CPA6: variants seen among roughly 807,000 people sequenced by gnomAD.
The protein encoded by CPA6 is carboxypeptidase A6.
CPA6 carries 58 observed loss-of-function variants against 63.3 expected under a neutral mutation model. The ratio of observed to expected loss-of-function variants is 0.92; its 90% confidence interval spans 0.74 to 1.14. CPA6 has a LOEUF of 1.14. CPA6 is among the 50% of genes most tolerant of loss of function. CPA6 has a pLI of 0.00. For synonymous variants in CPA6, 185 were observed against 179.0 expected (o/e 1.03, Z -0.27); for missense variants, 565 against 526.6 (o/e 1.07, Z -0.71).
At chr8:67,423,454 C>T (rs1049535774) in intron 10 of CPA6, among the ~76,000 whole-genome samples, 3 of 152,236 alleles carry the variant, frequency 2.0e-5, no homozygotes, top group African/African-American at 7.2e-5. Context: ...TGTGCCTTTA[C>T]TTAGATTGGT....
intron 6 of CPA6, among the ~76,000 whole-genome samples, chr8:67,489,816 T>A (rs1811566491): frequency 6.6e-6 from 1 of 152,230 alleles, no homozygotes. Flanking sequence ...TGGTTTCTCT[T>A]ACATGCTGTC....
At chr8:67,657,732 T>G (rs949543871) in intron 1 of CPA6, among the ~76,000 whole-genome samples, 1 of 152,180 alleles carries the variant, frequency 6.6e-6, no homozygotes, top group African/African-American at 2.4e-5. Context: ...TCCAATACCT[T>G]GTCTTCTCTT....
At chr8:67,550,181 C>G (rs906470162) in intron 2 of CPA6, among the ~76,000 whole-genome samples, 13 of 152,178 alleles carry the variant, frequency 8.5e-5, no homozygotes, top group Non-Finnish European at 1.8e-4. Context: ...AGTCTTTCAA[C>G]CCTTTCCCCC....
intron 2 of CPA6, among the ~76,000 whole-genome samples, chr8:67,596,136 T>C (rs1475898789): frequency 6.6e-6 from 1 of 152,232 alleles, no homozygotes; most frequent in Non-Finnish European, 1.5e-5. Flanking sequence ...TATGTTCTAT[T>C]TTTTGCCTCC....
chr8:67,639,821 G>T (rs1342364268), intron 1 of CPA6, among the ~76,000 whole-genome samples: 2 of 151,556 alleles, frequency 1.3e-5, no homozygotes, highest in Admixed American at 6.6e-5. Context: ...GACAAGTGTA[G>T]GGTGAGTAAG....
At chr8:67,561,781 C>T (rs1813218596) in intron 2 of CPA6, among the ~76,000 whole-genome samples, 1 of 152,152 alleles carries the variant, frequency 6.6e-6, no homozygotes, top group Admixed American at 6.5e-5. Context: ...GAAATGTACT[C>T]TAAAGAATTC....
intron 2 of CPA6, among the ~76,000 whole-genome samples, chr8:67,581,302 T>C (rs1031113959): frequency 1.3e-5 from 2 of 152,296 alleles, no homozygotes; most frequent in Middle Eastern, 3.4e-3. Flanking sequence ...GAATGTACTA[T>C]GTACTGTTAA....
chr8:67,487,803 G>A (rs533789300), intron 6 of CPA6, among the ~76,000 whole-genome samples: 2 of 152,284 alleles, frequency 1.3e-5, no homozygotes, highest in South Asian at 4.1e-4. Context: ...TTTCTCTGAT[G>A]ACCAGTGATG....
chr8:67,515,939 A>G (rs188870333), intron 3 of CPA6, among the ~76,000 whole-genome samples: 2 of 152,228 alleles, frequency 1.3e-5, no homozygotes, highest in Admixed American at 1.3e-4. Flanking sequence ...CAAAGACCTT[A>G]ATATCTTCCC....
chr8:67,422,449 G>T lies in CPA6; in HGVS notation c.*55C>A. ...TCTTTGAAAACAATTTCTATCCAGG[G>T]CCAAGTAGGCCTTGCTCAGAATCCT... On this transcript the variant is annotated 3_prime_UTR_variant, in exon 11 of 11. Transcript: ENST00000297770. 1 of 1,484,036 alleles carries T rather than the reference G, an allele frequency of 6.7e-7. No homozygotes were observed. The highest frequency in any genetic ancestry group is 9.3e-7 in the Non-Finnish European group (1 of 1,079,886). The allele number at this position is 1,484,036 out of a possible 1,614,324, so 91.9% of individuals were successfully genotyped here.
intron 1 of CPA6, among the ~76,000 whole-genome samples, chr8:67,633,319 A>G (rs1371265606): frequency 2.0e-5 from 3 of 152,110 alleles, no homozygotes; most frequent in Non-Finnish European, 4.4e-5. Flanking sequence ...ATGTGAATTT[A>G]TTCTTATAAT....
chr8:67,533,580 T>G (rs1004353644), intron 2 of CPA6, among the ~76,000 whole-genome samples: 2 of 152,252 alleles, frequency 1.3e-5, no homozygotes, highest in African/African-American at 4.8e-5. Flanking sequence ...CCTCTGCTTT[T>G]CACTGGTACC....
At chr8:67,596,211 G>A (rs1814331101) in intron 2 of CPA6, among the ~76,000 whole-genome samples, 1 of 152,108 alleles carries the variant, frequency 6.6e-6, no homozygotes, top group Non-Finnish European at 1.5e-5. Flanking sequence ...GTGAGTATCT[G>A]TTATTGATGA....
chr8:67,689,887 C>T (rs1272598641), intron 1 of CPA6, among the ~76,000 whole-genome samples: 1 of 152,192 alleles, frequency 6.6e-6, no homozygotes, highest in Non-Finnish European at 1.5e-5. Flanking sequence ...TTTATATTCC[C>T]ACCAACAGTG....
intron 2 of CPA6, among the ~76,000 whole-genome samples, chr8:67,614,850 T>C (rs1411853030): frequency 2.0e-5 from 3 of 152,162 alleles, no homozygotes; most frequent in African/African-American, 4.8e-5. Context: ...GACTTCCCAA[T>C]TGGATGTTCT....
intron 2 of CPA6, among the ~76,000 whole-genome samples, chr8:67,593,533 G>A (rs1451968003): frequency 1.3e-5 from 2 of 152,106 alleles, no homozygotes; most frequent in South Asian, 2.1e-4. Flanking sequence ...TCTCTTTGTA[G>A]GTCACTGAGG....
Position 67,624,260 on chromosome 8 carries a change from TA to T in CPA6, c.117-10del. 7.2e-7 allele frequency: 1 copy of T among 1,392,764 alleles called. No homozygotes were observed. The highest frequency in any genetic ancestry group is 1.0e-6 in the Non-Finnish European group (1 of 990,370). The allele number at this position is 1,392,764 out of a possible 1,614,324, so 86.3% of individuals were successfully genotyped here. A position where few individuals can be genotyped will look rare whatever the true frequency, so the allele number is the denominator to read the frequency against. Reference sequence around the variant, plus strand: ...ATCTTATCACTTTATCACTACAAGATAAGAAAAGAAAGATGATAATTACTTT... The same window carrying T: ...ATCTTATCACTTTATCACTACAAGATAGAAAAGAAAGATGATAATTACTTT... On this transcript the variant is annotated splice_polypyrimidine_tract_variant and intron_variant, in intron 1 of 10. Transcript: ENST00000297770.
At chr8:67,675,452 C>T (rs1465225710) in intron 1 of CPA6, among the ~76,000 whole-genome samples, 1 of 152,138 alleles carries the variant, frequency 6.6e-6, no homozygotes, top group Non-Finnish European at 1.5e-5. Context: ...TATGTCCTAG[C>T]TGAATTTTTC....
intron 8 of CPA6, among the ~76,000 whole-genome samples, chr8:67,481,858 G>A (rs1017265076): frequency 2.0e-5 from 3 of 152,156 alleles, no homozygotes; most frequent in Non-Finnish European, 4.4e-5. Context: ...CCTGCCTATC[G>A]GATCAGCTGA....
Sources: allele counts gnomAD v4.1 joint callset (sites outside exome capture counted in the v4.1 genomes callset), GRCh38; gene constraint gnomAD v4.1.1; transcripts MANE v1.5; gene names NCBI Gene and HGNC (gene_info 2026-07-23, HGNC 2026-07-21).